Variants in PDE8B observed in about 807,000 individuals in gnomAD.
The protein encoded by PDE8B is phosphodiesterase 8B, also known as high affinity cAMP-specific and IBMX-insensitive 3',5'-cyclic phosphodiesterase 8B.
In PDE8B, 26 loss-of-function variants were observed where a neutral mutation model predicts 101.3. The ratio of observed to expected loss-of-function variants is 0.26; its 90% confidence interval spans 0.19 to 0.36. PDE8B has a LOEUF of 0.36. Among genes scored for constraint, PDE8B ranks in the 10% least tolerant of loss-of-function variants. The pLI is 1.00. For synonymous variants in PDE8B, 424 were observed against 429.3 expected (o/e 0.99, Z 0.15); for missense variants, 810 against 1,163.1 (o/e 0.70, Z 4.42).
At position 77,325,720 on chromosome 5, in the gene PDE8B, C is replaced by T. The variant is rs749496605; in HGVS notation, c.581C>T (p.Ala194Val). The T allele has an allele frequency of 1.2e-6, 2 of 1,607,646 alleles. No homozygotes were observed. The highest frequency in any genetic ancestry group is 2.2e-5 in the South Asian group (2 of 90,952). ...CAAACTCAGAACTTCGATGCAGAAGCAGTGTGCAGGTACCTTCTCTAATTT... is the reference window on the plus strand; with the variant it reads ...CAAACTCAGAACTTCGATGCAGAAGTAGTGTGCAGGTACCTTCTCTAATTT... ...HRQTQNFDAEAVCRSIRATNP... is the reference protein window; with the variant it reads ...HRQTQNFDAEVVCRSIRATNP... The change falls in exon 3 of 22, where the codon GCA (alanine) becomes GTA (valine). Residue 194 changes from alanine (A) to valine (V), a missense_variant. Physicochemically the swap from Ala to Val is moderately conservative, Grantham distance 64 (BLOSUM62 0). This residue lies in a region of PDE8B where 251 missense variants were observed against 378.8 expected (regional missense o/e 0.66). Coordinates refer to ENST00000264917, the MANE Select transcript of PDE8B (RefSeq NM_003719.5).
the PDE8B span, among the ~76,000 whole-genome samples, chr5:77,093,181 G>C: frequency 0.1 from 15,436 of 152,092 alleles, 2,406 homozygotes; most frequent in African/African-American, 0.34. Flanking sequence ...TTAAATGTTT[G>C]GTAGATTCAA....
chr5:77,230,069 C>T (rs769098757), intron 1 of PDE8B, among the ~76,000 whole-genome samples: 6 of 152,208 alleles, frequency 3.9e-5, no homozygotes, highest in Non-Finnish European at 8.8e-5. Context: ...ATGAGGGTCT[C>T]TATTTCTCCA....
the PDE8B span, among the ~76,000 whole-genome samples, chr5:77,097,129 CAGAA>C: frequency 6.6e-6 from 1 of 151,746 alleles, no homozygotes; most frequent in African/African-American, 2.4e-5. Flanking sequence ...AGGAAGAAGA[CAGAA>C]AGGAAGGGAA....
At chr5:77,135,559 C>G in the PDE8B span, among the ~76,000 whole-genome samples, 9 of 150,944 alleles carry the variant, frequency 6.0e-5, no homozygotes, top group South Asian at 2.1e-4. Flanking sequence ...TCATTGCAGC[C>G]TCCGCCTCCA....
chr5:77,119,297 C>G, the PDE8B span: 2 of 152,126 alleles, frequency 1.3e-5, no homozygotes, highest in African/African-American at 4.8e-5. Flanking sequence ...TTTCTATGAC[C>G]CAGCAATTTC....
At chr5:77,341,090 G>C (rs1779135554) in intron 6 of PDE8B, among the ~76,000 whole-genome samples, 1 of 152,046 alleles carries the variant, frequency 6.6e-6, no homozygotes, top group Non-Finnish European at 1.5e-5. Context: ...TAAAGCTAAG[G>C]TTCTTCTGCC....
intron 10 of PDE8B, among the ~76,000 whole-genome samples, chr5:77,366,448 G>C (rs1784160685): frequency 6.6e-6 from 1 of 152,208 alleles, no homozygotes. Context: ...AGAGTCCAGA[G>C]ACAGCGGTTG....
At chr5:77,283,967 G>T (rs922702352) in intron 1 of PDE8B, among the ~76,000 whole-genome samples, 1 of 152,202 alleles carries the variant, frequency 6.6e-6, no homozygotes, top group Non-Finnish European at 1.5e-5. Flanking sequence ...TAGAGTTCCT[G>T]ATGCTCCATG....
intron 6 of PDE8B, among the ~76,000 whole-genome samples, chr5:77,339,706 G>T (rs988718082): frequency 1.3e-5 from 2 of 151,672 alleles, no homozygotes; most frequent in Non-Finnish European, 1.5e-5. Flanking sequence ...CTACAATTCC[G>T]CCCCCAGCTG....
chr5:77,333,283 G>A (rs982286432), intron 5 of PDE8B, among the ~76,000 whole-genome samples: 2 of 152,174 alleles, frequency 1.3e-5, no homozygotes, highest in Non-Finnish European at 2.9e-5. Context: ...ATGCTTCTGA[G>A]TTTTTGGAAT....
chr5:77,300,956 T>C (rs1370800891), intron 1 of PDE8B, among the ~76,000 whole-genome samples: 1 of 152,246 alleles, frequency 6.6e-6, no homozygotes, highest in Non-Finnish European at 1.5e-5. Flanking sequence ...CTACTTACTT[T>C]TAAATGGGAT....
intron 12 of PDE8B, 90 bp from the exon 13 acceptor site, chr5:77,407,291 G>C (rs1793659071): frequency 1.1e-6 from 1 of 937,866 alleles, no homozygotes. Flanking sequence ...CCTGTGAGAA[G>C]CGGGCCCTGG....
intron 2 of PDE8B, among the ~76,000 whole-genome samples, chr5:77,313,839 T>G (rs1773213884): frequency 6.6e-6 from 1 of 152,210 alleles, no homozygotes; most frequent in Non-Finnish European, 1.5e-5. Flanking sequence ...ATGATACATA[T>G]TTGTATACTC....
chr5:77,179,021 CAA>C, the PDE8B span, among the ~76,000 whole-genome samples: 9 of 152,190 alleles, frequency 5.9e-5, no homozygotes, highest in Admixed American at 3.3e-4. Context: ...GGCAGCAAGT[CAA>C]GTCACAAGTT....
chr5:77,272,756 C>T (rs190438553), intron 1 of PDE8B, among the ~76,000 whole-genome samples: 132 of 152,170 alleles, frequency 8.7e-4, no homozygotes, highest in Admixed American at 3.5e-3. Context: ...GTTCAGAGGG[C>T]AGCATAGTAT....
chr5:77,351,136 A>G lies in PDE8B; in HGVS notation c.1089A>G (p.Pro363=). Residue 363 remains proline, a synonymous_variant, in exon 9 of 22, where the codon CCA becomes CCG. Coordinates refer to ENST00000264917, the MANE Select transcript of PDE8B (RefSeq NM_003719.5). ...DSIQQHVKIT[P]VIGQGGKIRH... is the part of the protein sequence containing the mutation. ...TCCAACAGCACGTGAAGATCACCCC[A>G]GTGATTGGCCAAGGAGGGTGAGAGC... The G allele has an allele frequency of 6.2e-7, 1 of 1,613,634 alleles. No individual in the cohort carries two copies. Among genetic ancestry groups the G allele is most frequent in the Non-Finnish European group, 8.5e-7 (1 of 1,179,522 alleles).
At chr5:77,174,496 A>G in the PDE8B span, among the ~76,000 whole-genome samples, 1 of 152,074 alleles carries the variant, frequency 6.6e-6, no homozygotes, top group African/African-American at 2.4e-5. Flanking sequence ...GGTCTTCACT[A>G]TATGCTTCCC....
chr5:77,180,405 C>T, the PDE8B span: 1 of 982,154 alleles, frequency 1.0e-6, no homozygotes, highest in Non-Finnish European at 1.2e-6. Flanking sequence ...GCTAAGGCGC[C>T]AGGCACGGGC....
the PDE8B span, among the ~76,000 whole-genome samples, chr5:77,123,119 G>T: frequency 6.6e-6 from 1 of 152,178 alleles, no homozygotes; most frequent in Admixed American, 6.5e-5. Flanking sequence ...ATCATGAAGA[G>T]AAATCTATTT....
Sources: allele counts gnomAD v4.1 joint callset (sites outside exome capture counted in the v4.1 genomes callset), GRCh38; gene constraint gnomAD v4.1.1; regional missense constraint gnomAD v4.1.1; transcripts MANE v1.5; gene names NCBI Gene and HGNC (gene_info 2026-07-23, HGNC 2026-07-21).